The following BCL2 variants were observed in gnomAD, a reference collection of about 807,000 sequenced individuals.
The protein encoded by BCL2 is apoptosis regulator Bcl-2.
BCL2 carries 1 observed loss-of-function variant against 14.2 expected under a neutral mutation model. That is an observed-to-expected ratio of 0.07 (90% CI 0.02 to 0.33). The LOEUF (loss-of-function observed/expected upper bound fraction) is 0.33. BCL2 is among the 10% of genes least tolerant of loss of function. The probability of loss-of-function intolerance (pLI) is 0.99; values close to 1 mark genes in which losing one functional copy is unlikely to be tolerated. For missense variants in BCL2, 247 were observed against 305.9 expected, an observed-to-expected ratio of 0.81 and a Z score of 1.44; for synonymous variants, 151 against 137.2, an observed-to-expected ratio of 1.10 and a Z score of -0.70.
At chr18:63,147,423 G>A (rs775116257) in intron 2 of BCL2, among the ~76,000 whole-genome samples, 4 of 152,178 alleles carry the variant, frequency 2.6e-5, no homozygotes, top group Non-Finnish European at 5.9e-5. Context: ...ATTCAAAGTC[G>A]CAATGTGCCA....
chr18:63,126,095 CACAGGATTGGATATTCCAT>C lies in BCL2; in HGVS notation c.*2511_*2529del. On this transcript the variant is annotated 3_prime_UTR_variant, in exon 3 of 3. Coordinates refer to ENST00000333681, the MANE Select transcript of BCL2 (RefSeq NM_000633.3). ...TAAAATGATTTTGGCAGGATAGCAG[CACAGGATTGGATATTCCAT>C]ATTCATCACTTTGACAATGTAAACC... The C allele has an allele frequency of 9.2e-6, 2 of 216,288 alleles. No individual in the cohort carries two copies. The highest frequency in any genetic ancestry group is 1.4e-4 in the East Asian group (2 of 14,644). The allele number at this position is 216,288 out of a possible 1,614,324, so 13.4% of individuals were successfully genotyped here. A position where few individuals can be genotyped will look rare whatever the true frequency, so the allele number is the denominator to read the frequency against.
In BCL2 at chr18:63,318,497, G is replaced by A; in HGVS notation, c.170C>T (p.Pro57Leu). The A allele has an allele frequency of 3.3e-6, 5 of 1,533,624 alleles. No individual in the cohort carries two copies. The highest frequency in any genetic ancestry group is 4.4e-6 in the Non-Finnish European group (5 of 1,149,290). The change falls in exon 2 of 3, where the codon CCC becomes CTC. Residue 57 changes from proline to leucine, a missense_variant. By Grantham distance (98) the Pro-to-Leu change is moderately conservative. This residue lies in a region of BCL2 where 144 missense variants were observed against 135.3 expected (regional missense o/e 1.06). Transcript: ENST00000333681. This position sits in a 1 kb window ranked among gnomAD's most constrained non-coding sequence, Gnocchi z 7.4. Reference protein sequence around the residue: ...GIFSSQPGHTPHPAASRDPVA... With the variant: ...GIFSSQPGHTLHPAASRDPVA... ...CGGGTCCCGGGATGCGGCTGGATGG[G>A]GCGTGTGCCCGGGCTGGGAGGAGAA...
intron 2 of BCL2, among the ~76,000 whole-genome samples, chr18:63,277,812 A>AG (rs1161631535): frequency 6.6e-6 from 1 of 152,096 alleles, no homozygotes; most frequent in Non-Finnish European, 1.5e-5. Flanking sequence ...AATGAAAAGG[A>AG]GGGGGAAACA....
intron 2 of BCL2, among the ~76,000 whole-genome samples, chr18:63,175,511 C>T (rs1471708185): frequency 1.3e-5 from 2 of 152,192 alleles, no homozygotes; most frequent in South Asian, 2.1e-4. Context: ...GAATTCCAGC[C>T]CTGTTAGTTC....
chr18:63,222,713 T>G (rs946340688), intron 2 of BCL2, among the ~76,000 whole-genome samples: 1 of 152,096 alleles, frequency 6.6e-6, no homozygotes, highest in Non-Finnish European at 1.5e-5. Flanking sequence ...AAATGGAGAA[T>G]TGAACACACT....
chr18:63,250,450 T>C (rs1413482060), intron 2 of BCL2, among the ~76,000 whole-genome samples: 2 of 152,250 alleles, frequency 1.3e-5, no homozygotes, highest in Non-Finnish European at 2.9e-5. Flanking sequence ...TCATTTTTGA[T>C]GGTTGGTTAT....
intron 2 of BCL2, among the ~76,000 whole-genome samples, chr18:63,208,338 C>G (rs761830014): frequency 6.6e-6 from 1 of 152,104 alleles, no homozygotes; most frequent in Non-Finnish European, 1.5e-5. Flanking sequence ...CACTGTACCC[C>G]CCACCCCCGC....
intron 2 of BCL2, among the ~76,000 whole-genome samples, chr18:63,166,242 A>G (rs534345457): frequency 6.6e-6 from 1 of 152,354 alleles, no homozygotes. Flanking sequence ...GGCAGCTCCC[A>G]GAGTGGGGAG....
In BCL2 at chr18:63,149,706, G is replaced by C. The variant is rs1036063502; in HGVS notation, c.586-20947C>G. ...AAATAACACTGTTATGACAGTGACC[G>C]GCAGATGATTAACAGTGAAGAAGAG... On this transcript the variant is annotated intron_variant, in intron 2 of 2. Transcript: ENST00000333681. The surrounding 1 kb of genome is among the most constrained non-coding windows in gnomAD (Gnocchi z 4.2). 6.6e-6 allele frequency among the ~76,000 whole-genome samples: 1 copy of C among 152,052 alleles called. No homozygotes were observed.
At chr18:63,290,120 C>A (rs1416231509) in intron 2 of BCL2, among the ~76,000 whole-genome samples, 1 of 151,868 alleles carries the variant, frequency 6.6e-6, no homozygotes, top group Non-Finnish European at 1.5e-5. Context: ...CCTGGGTGAT[C>A]GGAATAGTGA....
At chr18:63,290,537 C>T (rs972528437) in intron 2 of BCL2, among the ~76,000 whole-genome samples, 3 of 152,152 alleles carry the variant, frequency 2.0e-5, no homozygotes, top group Admixed American at 6.5e-5. Flanking sequence ...GTTTTTATCT[C>T]GAGCTAAAGA....
At chr18:63,267,464 C>G (rs75518920) in intron 2 of BCL2, among the ~76,000 whole-genome samples, 4 of 151,980 alleles carry the variant, frequency 2.6e-5, no homozygotes, top group Non-Finnish European at 4.4e-5. Context: ...AGAGGTGGGA[C>G]AGAAGAAAGA....
chr18:63,156,383 G>A (rs914283518), intron 2 of BCL2, among the ~76,000 whole-genome samples: 1 of 152,186 alleles, frequency 6.6e-6, no homozygotes, highest in African/African-American at 2.4e-5. Context: ...GTGCACTGGA[G>A]GATGTTTAGC....
intron 2 of BCL2, among the ~76,000 whole-genome samples, chr18:63,267,324 A>C (rs1260897895): frequency 6.6e-6 from 1 of 152,138 alleles, no homozygotes; most frequent in Non-Finnish European, 1.5e-5. Flanking sequence ...GGCCAGCTGG[A>C]GATTGTTGCA....
intron 2 of BCL2, among the ~76,000 whole-genome samples, chr18:63,210,625 A>G (rs1376708741): frequency 6.6e-6 from 1 of 152,250 alleles, no homozygotes. Context: ...AACGAATGAA[A>G]GACGCTGGAT....
intron 2 of BCL2, among the ~76,000 whole-genome samples, chr18:63,186,867 TAA>T (rs1301170582): frequency 6.6e-6 from 1 of 152,218 alleles, no homozygotes; most frequent in Non-Finnish European, 1.5e-5. Context: ...ACTAGATTCA[TAA>T]AGAGAAATGA....
At chr18:63,131,076 C>T (rs1408784744) in intron 2 of BCL2, among the ~76,000 whole-genome samples, 1 of 152,110 alleles carries the variant, frequency 6.6e-6, no homozygotes, top group African/African-American at 2.4e-5. Context: ...TGCTGTTCAA[C>T]ATCCCACAAT....
chr18:63,166,865 C>T (rs114198109), intron 2 of BCL2, among the ~76,000 whole-genome samples: 2 of 152,196 alleles, frequency 1.3e-5, no homozygotes, highest in Non-Finnish European at 2.9e-5. Context: ...ACTTCCCTCC[C>T]CTCCTTCTTT....
At chr18:63,198,392 ATT>A (rs1909519481) in intron 2 of BCL2, among the ~76,000 whole-genome samples, 1 of 148,550 alleles carries the variant, frequency 6.7e-6, no homozygotes, top group South Asian at 2.2e-4. Context: ...ACAGACACCC[ATT>A]GACACACAGA....
Sources: gnomAD v4.1 joint callset for allele counts (sites outside exome capture counted in the v4.1 genomes callset) on GRCh38, gnomAD v4.1.1 for gene constraint, gnomAD v4.1.1 regional missense constraint, Gnocchi (gnomAD v3.1) non-coding constraint, MANE v1.5 for transcripts, NCBI Gene and HGNC (gene_info 2026-07-23, HGNC 2026-07-21) for gene names.